LNX1: variants seen among roughly 807,000 people sequenced by gnomAD.
LNX1 encodes the protein E3 ubiquitin-protein ligase LNX.
A neutral mutation model predicts 68.4 loss-of-function variants in LNX1; 54 were observed. The ratio of observed to expected loss-of-function variants is 0.79; its 90% CI spans 0.63 to 0.99. LNX1 has a LOEUF of 0.99. Ranked by LOEUF, LNX1 falls within the 50% of genes least tolerant of loss-of-function variation. LNX1 has a pLI of 0.00. For missense variants in LNX1, 906 were observed against 926.4 expected (o/e 0.98, Z 0.29); for synonymous variants, 336 against 350.0 (o/e 0.96, Z 0.45).
At chr4:53,482,436 C>T (rs1446094251) in intron 6 of LNX1, among the ~76,000 whole-genome samples, 2 of 152,078 alleles carry the variant, frequency 1.3e-5, no homozygotes, top group African/African-American at 4.8e-5. Context: ...TTCACAATCA[C>T]AAAGACATGG....
intron 9 of LNX1, among the ~76,000 whole-genome samples, chr4:53,474,030 ATGC>A (rs1402226317): frequency 6.6e-6 from 1 of 152,176 alleles, no homozygotes; most frequent in Non-Finnish European, 1.5e-5. Context: ...ACACCATTCA[ATGC>A]TACTTAGCAG....
intron 6 of LNX1, among the ~76,000 whole-genome samples, chr4:53,488,654 C>A (rs1156346109): frequency 6.6e-6 from 1 of 152,142 alleles, no homozygotes; most frequent in Non-Finnish European, 1.5e-5. Flanking sequence ...TCCAAAAACT[C>A]AATCGATTCC....
Position 53,460,807 on chromosome 4 carries a change from T to C in LNX1, c.*100A>G. The C allele has an allele frequency of 8.5e-7, 1 of 1,173,472 alleles. No individual in the cohort carries two copies. The allele number at this position is 1,173,472 out of a possible 1,614,324, so 72.7% of individuals were successfully genotyped here. ...TACTTTTCCTGACATTTTTACAATGTATTCTTTCTTTAAATATAAAAACTG... is the reference window on the plus strand; with the variant it reads ...TACTTTTCCTGACATTTTTACAATGCATTCTTTCTTTAAATATAAAAACTG... On this transcript the variant is annotated 3_prime_UTR_variant, in exon 11 of 11. Coordinates refer to ENST00000263925, the MANE Select transcript of LNX1 (RefSeq NM_001126328.3).
chr4:53,554,353 A>G (rs1465780427), intron 2 of LNX1, among the ~76,000 whole-genome samples: 1 of 152,228 alleles, frequency 6.6e-6, no homozygotes, highest in Admixed American at 6.5e-5. Flanking sequence ...TTGGCCCAAC[A>G]TTACGAATTG....
intron 2 of LNX1, among the ~76,000 whole-genome samples, chr4:53,514,216 T>C (rs1247688711): frequency 6.6e-6 from 1 of 152,368 alleles, no homozygotes; most frequent in East Asian, 1.9e-4. Context: ...GCTTTGTTAA[T>C]TGTTTTATCT....
chr4:53,643,229 C>A (rs187727286), intron 1 of LNX1, among the ~76,000 whole-genome samples: 1 of 152,052 alleles, frequency 6.6e-6, no homozygotes, highest in African/African-American at 2.4e-5. Flanking sequence ...TGGCTCACTG[C>A]AGCCTCAAAT....
Position 53,495,916 on chromosome 4 carries a change from A to G in LNX1, c.1350+107T>C, listed in dbSNP as rs1725017843. ...CATCCTGACTCCTTGAAAGGGAGGC[A>G]CTGCATGACACATGTGGTAGTGACA... On this transcript the variant is annotated intron_variant, in intron 6 of 10. Coordinates refer to ENST00000263925, the MANE Select transcript of LNX1 (RefSeq NM_001126328.3). The G allele has an allele frequency of 3.1e-6, 4 of 1,302,464 alleles. No individual in the cohort carries two copies. The East Asian group carries it at 7.0e-5, about 23-fold the overall frequency. The allele number at this position is 1,302,464 out of a possible 1,614,324, so 80.7% of individuals were successfully genotyped here. A position where few individuals can be genotyped will look rare whatever the true frequency, so the allele number is the denominator to read the frequency against.
At chr4:53,581,361 A>G (rs2109798207) in intron 1 of LNX1, among the ~76,000 whole-genome samples, 1 of 152,282 alleles carries the variant, frequency 6.6e-6, no homozygotes, top group East Asian at 1.9e-4. Flanking sequence ...TCTCCAAACA[A>G]TTTTAGAAAT....
chr4:53,577,933 T>C (rs1731603062), intron 1 of LNX1, among the ~76,000 whole-genome samples: 1 of 152,226 alleles, frequency 6.6e-6, no homozygotes, highest in African/African-American at 2.4e-5. Context: ...ATCTAACAGT[T>C]CTTTGAATAT....
intron 6 of LNX1, among the ~76,000 whole-genome samples, chr4:53,488,196 G>C (rs925128556): frequency 6.6e-5 from 10 of 152,200 alleles, no homozygotes; most frequent in Non-Finnish European, 1.3e-4. Context: ...AGCTCACTGT[G>C]TCCCAAGGCA....
At chr4:53,561,071 G>A (rs1730254831) in intron 2 of LNX1, among the ~76,000 whole-genome samples, 1 of 152,052 alleles carries the variant, frequency 6.6e-6, no homozygotes, top group Non-Finnish European at 1.5e-5. Flanking sequence ...CACTAAACAA[G>A]GTTTATTTAG....
intron 2 of LNX1, among the ~76,000 whole-genome samples, chr4:53,540,107 C>T (rs1408270751): frequency 1.3e-5 from 2 of 152,198 alleles, no homozygotes; most frequent in Admixed American, 1.3e-4. Flanking sequence ...CAAATGACAA[C>T]ATGGTGGCTC....
intron 1 of LNX1, among the ~76,000 whole-genome samples, chr4:53,584,287 T>C (rs1732025953): frequency 6.6e-6 from 1 of 152,204 alleles, no homozygotes; most frequent in Non-Finnish European, 1.5e-5. Context: ...GCCTAATCCA[T>C]GCCTGGGATT....
At position 53,573,794 on chromosome 4, in the gene LNX1, AC is replaced by A. The variant is rs1476586280; in HGVS notation, c.208del (p.Val70TrpfsTer34). ...GTCCATGGGACAGAAGTCCTTCTCC[AC>A]CAGGAAGTTGGTGAGGCAGAGGGTG... ...YCTLCLTNFL[V>X]EKDFCPMDRK... is the part of the protein sequence containing the mutation. On this transcript the variant is annotated frameshift_variant, in exon 2 of 11. Coordinates refer to ENST00000263925, the MANE Select transcript of LNX1 (RefSeq NM_001126328.3). LOFTEE classifies it high-confidence loss of function. The A allele has an allele frequency of 6.2e-7, 1 of 1,612,888 alleles. No individual in the cohort carries two copies. Among genetic ancestry groups the A allele is most frequent in the Non-Finnish European group, 8.5e-7 (1 of 1,179,492 alleles).
At chr4:53,556,467 A>G (rs1454892513) in intron 2 of LNX1, among the ~76,000 whole-genome samples, 1 of 152,196 alleles carries the variant, frequency 6.6e-6, no homozygotes, top group Non-Finnish European at 1.5e-5. Context: ...ATAGCAACGA[A>G]GAAGGATAGC....
intron 2 of LNX1, among the ~76,000 whole-genome samples, chr4:53,551,652 C>G (rs956143982): frequency 1.5e-4 from 23 of 152,112 alleles, no homozygotes; most frequent in Admixed American, 1.1e-3. Flanking sequence ...GAGATGCAAC[C>G]CCCCTGGAAG....
chr4:53,620,530 G>A (rs1400740398), upstream of LNX1, among the ~76,000 whole-genome samples: 3 of 152,064 alleles, frequency 2.0e-5, no homozygotes, highest in Non-Finnish European at 2.9e-5. Context: ...GGGTGCATTC[G>A]GGTTGAGGAT....
At chr4:53,568,714 G>A (rs1730909421) in intron 2 of LNX1, among the ~76,000 whole-genome samples, 2 of 151,658 alleles carry the variant, frequency 1.3e-5, no homozygotes. Flanking sequence ...AAAAAAGGAA[G>A]TCAAATTGTC....
chr4:53,495,116 T>C (rs1724955921), intron 6 of LNX1, among the ~76,000 whole-genome samples: 1 of 152,202 alleles, frequency 6.6e-6, no homozygotes, highest in African/African-American at 2.4e-5. Flanking sequence ...GATGCCATAC[T>C]ATGGTTTTGC....
Sources: allele counts gnomAD v4.1 joint callset (sites outside exome capture counted in the v4.1 genomes callset), GRCh38; gene constraint gnomAD v4.1.1; transcripts MANE v1.5; gene names NCBI Gene and HGNC (gene_info 2026-07-23, HGNC 2026-07-21).